Variants in NPHP4 observed in about 807,000 individuals in gnomAD.
NPHP4 encodes nephrocystin 4.
A neutral mutation model predicts 155.8 loss-of-function variants in NPHP4; 151 were observed. The ratio of observed to expected loss-of-function variants is 0.97; its 90% CI spans 0.85 to 1.11. The LOEUF (loss-of-function observed/expected upper bound fraction) is 1.11. Among genes scored for constraint, NPHP4 ranks in the 50% least tolerant of loss-of-function variants. NPHP4 has a pLI of 0.00. For synonymous variants in NPHP4, 845 were observed against 816.8 expected, an observed-to-expected ratio of 1.03 and a Z score of -0.59; for missense variants, 1,956 against 1,925.7, an observed-to-expected ratio of 1.02 and a Z score of -0.29.
chr1:5,955,881 C>T lies in NPHP4; in HGVS notation c.674-3045G>A, dbSNP rs146250701. 1.1e-4 allele frequency among the ~76,000 whole-genome samples: 16 copies of T among 152,264 alleles called. No individual in the cohort carries two copies. In the East Asian group the frequency reaches 2.9e-3, roughly 28 times the overall value. ...AGAGCTAGAAGAGCAGCTAGAAGAG[C>T]GGCTTCTGAATGTCCTGACCACACA... On this transcript the variant is annotated intron_variant, in intron 6 of 29. Coordinates refer to ENST00000378156, the MANE Select transcript of NPHP4 (RefSeq NM_015102.5).
intron 5 of NPHP4, among the ~76,000 whole-genome samples, chr1:5,965,117 G>C (rs1446935780): frequency 6.6e-6 from 1 of 150,970 alleles, no homozygotes; most frequent in African/African-American, 2.4e-5. Flanking sequence ...ATTTTTTGTA[G>C]AGATGGGGTC....
At position 5,985,008 on chromosome 1, in the gene NPHP4, T is replaced by G. The variant is rs144351869; in HGVS notation, c.135+1147A>C. 1.2e-3 allele frequency among the ~76,000 whole-genome samples: 180 copies of G among 152,208 alleles called. 1 individual carries two copies. Among genetic ancestry groups the G allele is most frequent in the African/African-American group, 4.2e-3 (174 of 41,506 alleles). On this transcript the variant is annotated intron_variant, in intron 2 of 29. Coordinates refer to ENST00000378156, the MANE Select transcript of NPHP4 (RefSeq NM_015102.5). The stretch of plus-strand genomic sequence containing the variant: ...TCATAGAGCTGCTCTGAGGATTAAG[T>G]GAATGAACACAGTGAAGTGCTAGAA...
rs1221808035 is a variant in NPHP4, at chr1:5,969,123, T to C, written c.416A>G (p.Gln139Arg). The change falls in exon 4 of 30, where the codon CAG becomes CGG. Residue 139 changes from glutamine to arginine, a missense_variant. By Grantham distance (43) the Gln-to-Arg change is conservative. Transcript: ENST00000378156. ...GFGILRIFSN[Q>R]PDSPISASQD... ...GGAAGCAGAGATAGGAGAGTCCGGC[T>C]GGTTGCTGAAGATCCGAAGAATTCC... The C allele has an allele frequency of 1.9e-6, 3 of 1,551,390 alleles. No individual in the cohort carries two copies. Among genetic ancestry groups the C allele is most frequent in the Non-Finnish European group, 2.6e-6 (3 of 1,146,778 alleles).
At chr1:5,903,260 G>A (rs1335001164) in intron 16 of NPHP4, among the ~76,000 whole-genome samples, 4 of 152,138 alleles carry the variant, frequency 2.6e-5, no homozygotes, top group East Asian at 1.9e-4. Context: ...TTGAGGCTAC[G>A]TATGTTAGAA....
At chr1:5,916,099 C>G (rs1377140954) in intron 11 of NPHP4, among the ~76,000 whole-genome samples, 1 of 152,128 alleles carries the variant, frequency 6.6e-6, no homozygotes, top group Non-Finnish European at 1.5e-5. Flanking sequence ...TCTGACACCA[C>G]CAGAGGAACA....
Position 5,931,369 on chromosome 1 carries a change from C to T in NPHP4, c.1302+1778G>A, listed in dbSNP as rs1045248794. Among the ~76,000 whole-genome samples, 5 of 147,108 alleles carry T rather than the reference C, an allele frequency of 3.4e-5. No individual in the cohort carries two copies. In the South Asian group the frequency reaches 1.1e-3, roughly 32 times the overall value. On this transcript the variant is annotated intron_variant, in intron 10 of 29. Transcript: ENST00000378156. ...ATTTAAAAGTTGTATTTATACTATA[C>T]TGTAGTCAATAGGTGTGTAATAGCA...
In NPHP4 at chr1:5,877,998, G is replaced by A. The variant is rs931298563; in HGVS notation, c.2612-700C>T. ...GCAGGGGCTTGGGGTGTCGGGCGGGGCTGTGCTGGGTGACCAGGCCACGCC... is the reference window on the plus strand; with the variant it reads ...GCAGGGGCTTGGGGTGTCGGGCGGGACTGTGCTGGGTGACCAGGCCACGCC... On this transcript the variant is annotated intron_variant, in intron 19 of 29. Transcript: ENST00000378156. Among the ~76,000 whole-genome samples the A allele has an allele frequency of 1.6e-4, 24 of 152,242 alleles. No individual in the cohort carries two copies. The East Asian group carries it at 1.7e-3, about 11-fold the overall frequency.
At chr1:5,920,211 A>G (rs764110687) in intron 11 of NPHP4, among the ~76,000 whole-genome samples, 2 of 152,138 alleles carry the variant, frequency 1.3e-5, no homozygotes, top group Non-Finnish European at 2.9e-5. Flanking sequence ...GATTACAGGC[A>G]TGAGCCACCG....
chr1:5,888,231 C>G (rs1019636165), intron 17 of NPHP4: 5 of 649,914 alleles, frequency 7.7e-6, no homozygotes, highest in Non-Finnish European at 9.6e-6. Context: ...TCAGATTCCA[C>G]GGCTCAGCAC....
rs938989264 is a variant in NPHP4 at position 5,946,993 on chromosome 1, T to C, written c.1119+111A>G. 139 of 1,119,812 alleles carry C rather than the reference T, an allele frequency of 1.2e-4. 1 individual carries two copies. In the South Asian group the frequency reaches 1.6e-3, roughly 13 times the overall value. 69.4% of individuals were successfully genotyped at this position (1,119,812 alleles called of 1,614,324 possible). On this transcript the variant is annotated intron_variant, in intron 9 of 29. Transcript: ENST00000378156. ...AGTAAAGTGATTTTTACTTATTATT[T>C]ATAATAATCATGCCTGTTTTTAATG...
intron 5 of NPHP4, among the ~76,000 whole-genome samples, chr1:5,965,984 G>A (rs748312262): frequency 6.6e-6 from 1 of 151,934 alleles, no homozygotes. Context: ...ACTCCTCCTG[G>A]GCTTATTAAA....
At chr1:5,876,342 C>A (rs1211280651) in intron 20 of NPHP4, 2 of 152,458 alleles carry the variant, frequency 1.3e-5, no homozygotes, top group East Asian at 3.9e-4. Context: ...CCTCCCTGAC[C>A]ACTGAGCCCA....
chr1:5,875,183 C>A, intron 20 of NPHP4, 83 bp from the exon 21 acceptor site: 1 of 1,025,874 alleles, frequency 9.7e-7, no homozygotes, highest in East Asian at 2.6e-5. Flanking sequence ...CCACCACCCG[C>A]GATCTCAGAA....
chr1:5,940,393 T>C (rs186833958), intron 9 of NPHP4, among the ~76,000 whole-genome samples: 9 of 152,224 alleles, frequency 5.9e-5, no homozygotes. Flanking sequence ...AGCCAATAAA[T>C]TCTATTCACT....
intron 7 of NPHP4, among the ~76,000 whole-genome samples, chr1:5,951,182 G>A (rs1016067679): frequency 1.3e-5 from 2 of 152,210 alleles, no homozygotes; most frequent in African/African-American, 4.8e-5. Flanking sequence ...GGAGACCCGC[G>A]AGGCTCTGAG....
rs1484057780 is a variant in NPHP4 at position 5,867,077 on chromosome 1, G to A, written c.3511C>T (p.His1171Tyr). The change falls in exon 25 of 30, where the codon CAT (histidine) becomes TAT (tyrosine). Residue 1171 changes from histidine to tyrosine, a missense_variant. Transcript: ENST00000378156. This position sits in a 1 kb window ranked among gnomAD's most constrained non-coding sequence, Gnocchi z 4.1. ...ACGTTCGGGTCGCTGCAGCGAACAT[G>A]GACTGGGGGGTCCTCACCAAGCATT... is the stretch of plus-strand genomic sequence containing the variant. Reference protein sequence around the residue: ...VGMLGEDPPVHVRCSDPNVIC... With the variant: ...VGMLGEDPPVYVRCSDPNVIC... The A allele has an allele frequency of 1.2e-6, 2 of 1,613,110 alleles. No individual in the cohort carries two copies. The highest frequency in any genetic ancestry group is 1.7e-5 in the Admixed American group (1 of 59,936).
chr1:5,986,076 G>A (rs1655433306), intron 2 of NPHP4, 79 bp downstream of exon 2: 1 of 1,499,090 alleles, frequency 6.7e-7, no homozygotes, highest in South Asian at 1.2e-5. Context: ...CGTAAGCCAG[G>A]GACCATCCAT....
intron 11 of NPHP4, among the ~76,000 whole-genome samples, chr1:5,927,378 C>T (rs751432568): frequency 3.3e-5 from 5 of 152,186 alleles, no homozygotes; most frequent in Non-Finnish European, 5.9e-5. Context: ...ATCCATGTGA[C>T]GTGTCCTTTT....
intron 9 of NPHP4, among the ~76,000 whole-genome samples, chr1:5,938,080 G>A (rs536419254): frequency 1.3e-5 from 2 of 152,340 alleles, no homozygotes; most frequent in South Asian, 4.1e-4. Flanking sequence ...ACGGCGGGTG[G>A]CACAGACCCA....
Sources: gnomAD v4.1 joint callset for allele counts (sites outside exome capture counted in the v4.1 genomes callset) on GRCh38, gnomAD v4.1.1 for gene constraint, Gnocchi (gnomAD v3.1) non-coding constraint, MANE v1.5 for transcripts, NCBI Gene and HGNC (gene_info 2026-07-23, HGNC 2026-07-21) for gene names.